GRIA1: variants seen among roughly 807,000 people sequenced by gnomAD.
GRIA1 encodes glutamate receptor 1.
In GRIA1, 31 loss-of-function variants were observed where a neutral mutation model predicts 99.2. The ratio of observed to expected loss-of-function variants is 0.31; its 90% confidence interval spans 0.23 to 0.42. GRIA1 has a LOEUF of 0.42. GRIA1 is among the 10% of genes least tolerant of loss of function. GRIA1 has a pLI of 1.00. For missense variants in GRIA1, 782 were observed against 1,157.5 expected (o/e 0.68, Z 4.71); for synonymous variants, 438 against 432.4 (o/e 1.01, Z -0.16).
intron 11 of GRIA1, among the ~76,000 whole-genome samples, chr5:153,738,003 C>T (rs781173739): frequency 7.2e-5 from 11 of 152,188 alleles, no homozygotes; most frequent in Non-Finnish European, 1.0e-4. Flanking sequence ...ACATAGGGGC[C>T]CCTATCCCCA....
rs35636352 is a variant in GRIA1 at position 153,500,610 on chromosome 5, TACACACACACACACACAC to T, written c.220+6573_220+6590del. Among the ~76,000 whole-genome samples, 148 of 120,166 alleles carry T rather than the reference TACACACACACACACACAC, an allele frequency of 1.2e-3. 1 individual carries two copies. The highest frequency in any genetic ancestry group is 4.1e-3 in the African/African-American group (137 of 33,416). The allele number at this position is 120,166 out of a possible 152,430, so 78.8% of individuals were successfully genotyped here. Reference sequence around the variant, plus strand: ...TCTCTCTCTCTCTCCCCCTCTTACATACACACACACACACACACACACACACACACACACACACACACA... The same window carrying T: ...TCTCTCTCTCTCTCCCCCTCTTACATACACACACACACACACACACACACA... On this transcript the variant is annotated intron_variant, in intron 2 of 15. Transcript: ENST00000285900.
chr5:153,544,320 C>T (rs1010117174), intron 2 of GRIA1, among the ~76,000 whole-genome samples: 4 of 152,124 alleles, frequency 2.6e-5, no homozygotes, highest in Non-Finnish European at 5.9e-5. Context: ...CCTCTGGCAA[C>T]AGGCAATGGG....
intron 13 of GRIA1, among the ~76,000 whole-genome samples, chr5:153,774,000 C>T (rs917422313): frequency 6.6e-6 from 1 of 152,000 alleles, no homozygotes; most frequent in African/African-American, 2.4e-5. Context: ...ATAGAGGTTC[C>T]ACAAAACACA....
chr5:153,697,791 C>T (rs1181967430), intron 8 of GRIA1, among the ~76,000 whole-genome samples: 1 of 152,164 alleles, frequency 6.6e-6, no homozygotes, highest in Non-Finnish European at 1.5e-5. Flanking sequence ...CAGTTAAGCC[C>T]TTATCCCTCA....
chr5:153,503,630 AT>A (rs1454157489), intron 2 of GRIA1, among the ~76,000 whole-genome samples: 1 of 152,240 alleles, frequency 6.6e-6, no homozygotes. Context: ...TTTATCCAAG[AT>A]CTAAATATAT....
At chr5:153,571,931 A>C (rs938634729) in intron 2 of GRIA1, among the ~76,000 whole-genome samples, 12 of 152,084 alleles carry the variant, frequency 7.9e-5, no homozygotes, top group African/African-American at 2.9e-4. Flanking sequence ...CTACCTTGGT[A>C]GGAAAACTTA....
chr5:153,604,161 G>A (rs1478924281), intron 2 of GRIA1, among the ~76,000 whole-genome samples: 1 of 151,920 alleles, frequency 6.6e-6, no homozygotes, highest in African/African-American at 2.4e-5. Flanking sequence ...AGGGGTGGGG[G>A]GAAGAGGAAG....
intron 15 of GRIA1, among the ~76,000 whole-genome samples, chr5:153,804,917 A>G (rs911200433): frequency 1.1e-4 from 16 of 151,274 alleles, no homozygotes; most frequent in African/African-American, 3.4e-4. Flanking sequence ...ACACCTGGCT[A>G]ATTTTTGTAT....
intron 5 of GRIA1, among the ~76,000 whole-genome samples, chr5:153,671,082 T>C (rs1319850974): frequency 6.6e-6 from 1 of 152,206 alleles, no homozygotes; most frequent in African/African-American, 2.4e-5. Flanking sequence ...GTCCATTTTT[T>C]CTTAGGAGGG....
At chr5:153,492,362 G>A in intron 1 of GRIA1, 3 of 1,453,608 alleles carry the variant, frequency 2.1e-6, no homozygotes, top group Non-Finnish European at 2.7e-6. Flanking sequence ...GCCTTCAGGG[G>A]AGACACTTCC....
At chr5:153,679,851 T>G (rs1236652389) in intron 7 of GRIA1, among the ~76,000 whole-genome samples, 1 of 152,226 alleles carries the variant, frequency 6.6e-6, no homozygotes, top group African/African-American at 2.4e-5. Context: ...CAGCACAGCC[T>G]ACCTGGAGGG....
At chr5:153,661,921 C>A (rs367810136) in intron 5 of GRIA1, among the ~76,000 whole-genome samples, 13 of 152,330 alleles carry the variant, frequency 8.5e-5, no homozygotes, top group African/African-American at 3.1e-4. Context: ...CAGGTTCATG[C>A]TTGAATAATA....
intron 11 of GRIA1, among the ~76,000 whole-genome samples, chr5:153,762,803 T>G (rs1206424467): frequency 6.6e-6 from 1 of 152,216 alleles, no homozygotes; most frequent in African/African-American, 2.4e-5. Context: ...ACTCTCAGGA[T>G]AGCCATCTCA....
intron 8 of GRIA1, among the ~76,000 whole-genome samples, chr5:153,692,193 G>A (rs950992597): frequency 2.6e-5 from 4 of 152,152 alleles, no homozygotes; most frequent in East Asian, 1.9e-4. Flanking sequence ...CCTTGGAAAC[G>A]ACATCCTTGA....
chr5:153,548,446 AC>A (rs1759808622), intron 2 of GRIA1, among the ~76,000 whole-genome samples: 1 of 152,178 alleles, frequency 6.6e-6, no homozygotes, highest in African/African-American at 2.4e-5. Context: ...GTAAACTGAG[AC>A]CCAGAGACTA....
In GRIA1 at chr5:153,564,746, C is replaced by CAG. The variant is rs149152705; in HGVS notation, c.220+70694_220+70695dup. ...GGAAGATGAATGGCCAGGATGAAGACAGAGAGAGAGAGAGTAAAGAATTCC... is the reference window on the plus strand; with the variant it reads ...GGAAGATGAATGGCCAGGATGAAGACAGAGAGAGAGAGAGAGTAAAGAATTCC... On this transcript the variant is annotated intron_variant, in intron 2 of 15. Coordinates refer to ENST00000285900, the MANE Select transcript of GRIA1 (RefSeq NM_000827.4). Among the ~76,000 whole-genome samples, 1,068 of 151,640 alleles carry CAG rather than the reference C, an allele frequency of 7.0e-3. 6 individuals carry two copies. The highest frequency in any genetic ancestry group is 9.9e-3 in the Non-Finnish European group (668 of 67,788).
intron 7 of GRIA1, among the ~76,000 whole-genome samples, chr5:153,682,193 C>A (rs181073341): frequency 2.6e-5 from 4 of 152,212 alleles, no homozygotes; most frequent in African/African-American, 9.6e-5. Flanking sequence ...TAGAATGTGA[C>A]CCAGCAAGGA....
At chr5:153,693,111 C>T (rs992763714) in intron 8 of GRIA1, among the ~76,000 whole-genome samples, 3 of 152,136 alleles carry the variant, frequency 2.0e-5, no homozygotes, top group African/African-American at 7.2e-5. Flanking sequence ...AGGGTTCTGG[C>T]TAAGACTCAG....
intron 2 of GRIA1, among the ~76,000 whole-genome samples, chr5:153,548,173 T>C (rs1213175314): frequency 6.6e-6 from 1 of 152,084 alleles, no homozygotes; most frequent in Non-Finnish European, 1.5e-5. Context: ...GCTTTTAAGG[T>C]GCTGTGATTT....
Sources: gnomAD v4.1 joint callset for allele counts (sites outside exome capture counted in the v4.1 genomes callset) on GRCh38, gnomAD v4.1.1 for gene constraint, MANE v1.5 for transcripts, NCBI Gene and HGNC (gene_info 2026-07-23, HGNC 2026-07-21) for gene names.